ARHGAP18: variants seen among roughly 807,000 people sequenced by gnomAD.
The protein encoded by ARHGAP18 is Rho GTPase activating protein 18, also known as rho GTPase-activating protein 18.
Under a neutral mutation model 86.2 loss-of-function variants are expected in ARHGAP18, and 67 were observed. That is an observed-to-expected ratio of 0.78 (90% confidence interval 0.64 to 0.95). The LOEUF is 0.95. ARHGAP18 is among the 40% of genes least tolerant of loss of function. ARHGAP18 has a pLI of 0.00. For missense variants in ARHGAP18, 691 were observed against 780.4 expected, an observed-to-expected ratio of 0.89 and a Z score of 1.37; for synonymous variants, 283 against 280.4, an observed-to-expected ratio of 1.01 and a Z score of -0.09.
intron 5 of ARHGAP18, among the ~76,000 whole-genome samples, chr6:129,624,548 C>A (rs978280393): frequency 1.3e-5 from 2 of 151,816 alleles, no homozygotes; most frequent in South Asian, 2.1e-4. Flanking sequence ...ACACAAAAAA[C>A]CATACTTTTC....
intron 7 of ARHGAP18, among the ~76,000 whole-genome samples, chr6:129,613,045 A>T (rs1789013043): frequency 6.6e-6 from 1 of 151,998 alleles, no homozygotes; most frequent in African/African-American, 2.4e-5. Context: ...CATCCTTGTT[A>T]ACATGGTGAA....
rs1788203506 is a variant in ARHGAP18 at position 129,577,560 on chromosome 6, T to A, written c.*953A>T. ...AAAGCTTTTTCACCCAGAAGAATAA[T>A]TCTTCCAGTAGACTTATTCAGGACT... On this transcript the variant is annotated 3_prime_UTR_variant, in exon 15 of 15. Transcript: ENST00000368149. 6.6e-6 allele frequency: 1 copy of A among 152,036 alleles called. No homozygotes were observed. The highest frequency in any genetic ancestry group is 2.4e-5 in the African/African-American group (1 of 41,390). The allele number at this position is 152,036 out of a possible 1,614,324, so 9.4% of individuals were successfully genotyped here. A position where few individuals can be genotyped will look rare whatever the true frequency, so the allele number is the denominator to read the frequency against.
chr6:129,675,368 A>C (rs758506438), intron 1 of ARHGAP18, among the ~76,000 whole-genome samples: 4 of 145,536 alleles, frequency 2.7e-5, no homozygotes, highest in Non-Finnish European at 6.0e-5. Context: ...TGGGCAACAG[A>C]GCGAGACTCC....
chr6:129,629,274 T>C (rs1277600800), intron 5 of ARHGAP18, 79 bp downstream of exon 5: 23 of 1,140,508 alleles, frequency 2.0e-5, no homozygotes, highest in Non-Finnish European at 2.6e-5. Context: ...TGTGTGTGCG[T>C]GTGTGTGTAT....
rs1394948322 is a variant in ARHGAP18, at chr6:129,578,119, G to A, written c.*394C>T. 6.6e-6 allele frequency: 1 copy of A among 152,062 alleles called. No individual in the cohort carries two copies. The highest frequency in any genetic ancestry group is 1.5e-5 in the Non-Finnish European group (1 of 68,050). The allele number at this position is 152,062 out of a possible 1,614,324, so 9.4% of individuals were successfully genotyped here. ...AAGCAAACCTAACTGGGAAAGGGTA[G>A]ATGTGAGGAGGTAATAGAGGTGAGA... On this transcript the variant is annotated 3_prime_UTR_variant, in exon 15 of 15. Transcript: ENST00000368149.
At chr6:129,615,677 G>C (rs1318477364) in intron 7 of ARHGAP18, among the ~76,000 whole-genome samples, 1 of 152,190 alleles carries the variant, frequency 6.6e-6, no homozygotes, top group Non-Finnish European at 1.5e-5. Context: ...TGATGGCTCA[G>C]AGGTTGGACG....
chr6:129,655,392 A>T (rs1174214290), intron 1 of ARHGAP18, among the ~76,000 whole-genome samples: 1 of 151,894 alleles, frequency 6.6e-6, no homozygotes, highest in East Asian at 1.9e-4. Flanking sequence ...CCATAAAGTT[A>T]TAAAAGATGA....
chr6:129,578,738 C>T, intron 14 of ARHGAP18, 134 bp from the exon 15 acceptor site: 1 of 613,372 alleles, frequency 1.6e-6, no homozygotes. Context: ...CCGAGGTGGG[C>T]AGATTGGTTG....
chr6:129,586,994 C>A (rs1387920264), intron 12 of ARHGAP18, among the ~76,000 whole-genome samples: 1 of 152,186 alleles, frequency 6.6e-6, no homozygotes, highest in Non-Finnish European at 1.5e-5. Context: ...AAGGGTCCTA[C>A]TATATGACCT....
chr6:129,643,485 T>A (rs1214399653), intron 1 of ARHGAP18, among the ~76,000 whole-genome samples: 2 of 152,164 alleles, frequency 1.3e-5, no homozygotes, highest in Admixed American at 1.3e-4. Flanking sequence ...TTCCTGAGGC[T>A]TCCCCAGCCA....
In ARHGAP18 at chr6:129,644,388, T is replaced by C. The variant is rs9385508; in HGVS notation, c.114-2370A>G. Reference sequence around the variant, plus strand: ...TCATCCCTCTCTTAAAAATAAAAAATATATATTTTTAAATTTCTGGTTCAG... The same window carrying C: ...TCATCCCTCTCTTAAAAATAAAAAACATATATTTTTAAATTTCTGGTTCAG... On this transcript the variant is annotated intron_variant, in intron 1 of 14. Coordinates refer to ENST00000368149, the MANE Select transcript of ARHGAP18 (RefSeq NM_033515.3). 7.1e-3 allele frequency among the ~76,000 whole-genome samples: 1,083 copies of C among 152,248 alleles called. 16 individuals carry two copies. Among genetic ancestry groups the C allele is most frequent in the African/African-American group, 0.025 (1,040 of 41,558 alleles).
At chr6:129,619,079 G>A (rs989666975) in intron 5 of ARHGAP18, among the ~76,000 whole-genome samples, 11 of 150,484 alleles carry the variant, frequency 7.3e-5, no homozygotes, top group Non-Finnish European at 1.5e-5. Context: ...AACGGGAACA[G>A]ACCGCAAACT....
intron 14 of ARHGAP18, 126 bp downstream of exon 14, chr6:129,579,944 A>G (rs973502074): frequency 2.5e-6 from 2 of 809,060 alleles, no homozygotes; most frequent in Non-Finnish European, 3.9e-6. Flanking sequence ...CACAATATTC[A>G]GCAACTTATC....
At chr6:129,649,077 C>T (rs1403929402) in intron 1 of ARHGAP18, among the ~76,000 whole-genome samples, 1 of 152,216 alleles carries the variant, frequency 6.6e-6, no homozygotes, top group African/African-American at 2.4e-5. Flanking sequence ...CCCACACACA[C>T]CCATGCAACC....
rs752390148 is a variant in ARHGAP18 at position 129,634,072 on chromosome 6, T to C, written c.586A>G (p.Thr196Ala). 2.5e-6 allele frequency: 4 copies of C among 1,613,260 alleles called. No homozygotes were observed. Among genetic ancestry groups the C allele is most frequent in the Non-Finnish European group, 3.4e-6 (4 of 1,179,834 alleles). Residue 196 changes from threonine (T) to alanine (A), a missense_variant, in exon 4 of 15, where the codon ACA becomes GCA. Physicochemically the swap from Thr to Ala is moderately conservative, Grantham distance 58. Transcript: ENST00000368149. ...CTTCCTTGGTATTTGTTTTCATTTGTTCTAAGTGACTGCGATTCAGTGCCA... is the reference window on the plus strand; with the variant it reads ...CTTCCTTGGTATTTGTTTTCATTTGCTCTAAGTGACTGCGATTCAGTGCCA... The part of the protein sequence containing the change: ...PGGTESQSLR[T>A]NENKYQGRDD...
chr6:129,640,993 G>A (rs192962287), intron 2 of ARHGAP18, among the ~76,000 whole-genome samples: 3 of 152,132 alleles, frequency 2.0e-5, no homozygotes, highest in Admixed American at 6.6e-5. Context: ...TTATAGCAGA[G>A]AATGGGAAAT....
intron 1 of ARHGAP18, among the ~76,000 whole-genome samples, chr6:129,669,421 C>T (rs949780127): frequency 2.0e-5 from 3 of 151,492 alleles, no homozygotes; most frequent in African/African-American, 7.3e-5. Context: ...ATCCGCCCAC[C>T]TCGGCTTCCC....
At chr6:129,629,976 T>C (rs1773163364) in intron 4 of ARHGAP18, among the ~76,000 whole-genome samples, 1 of 152,204 alleles carries the variant, frequency 6.6e-6, no homozygotes, top group South Asian at 2.1e-4. Context: ...TTTCCTGGAA[T>C]AAACTTCTTC....
chr6:129,634,256 C>T, intron 3 of ARHGAP18, 151 bp from the exon 4 acceptor site: 1 of 601,646 alleles, frequency 1.7e-6, no homozygotes, highest in Non-Finnish European at 2.8e-6. Flanking sequence ...AGATAATAAT[C>T]AACAAGCAAT....
Sources: allele counts gnomAD v4.1 joint callset (sites outside exome capture counted in the v4.1 genomes callset), GRCh38; gene constraint gnomAD v4.1.1; transcripts MANE v1.5; gene names NCBI Gene and HGNC (gene_info 2026-07-23, HGNC 2026-07-21).